The following CLASP1 variants were observed in gnomAD, a reference collection of about 807,000 sequenced individuals.
The protein encoded by CLASP1 is CLIP-associating protein 1.
CLASP1 carries 38 observed loss-of-function variants against 192.3 expected under a neutral mutation model. The observed-to-expected ratio is 0.20, with a 90% CI of 0.15 to 0.26. The LOEUF (loss-of-function observed/expected upper bound fraction) is 0.26. Among genes scored for constraint, CLASP1 ranks in the 10% least tolerant of loss-of-function variants. CLASP1 has a pLI of 1.00. For missense variants in CLASP1, 1,433 were observed against 1,932.5 expected (o/e 0.74, Z 4.85); for synonymous variants, 691 against 712.8 (o/e 0.97, Z 0.49).
chr2:121,375,441 G>A (rs1381183751), intron 34 of CLASP1, among the ~76,000 whole-genome samples: 2 of 143,328 alleles, frequency 1.4e-5, no homozygotes, highest in African/African-American at 5.3e-5. Flanking sequence ...TCGGCTCACT[G>A]CAACTTCTGC....
chr2:121,504,768 C>A (rs531004906), intron 7 of CLASP1, among the ~76,000 whole-genome samples: 2 of 152,294 alleles, frequency 1.3e-5, no homozygotes, highest in South Asian at 4.1e-4. Flanking sequence ...CCATAGGAGA[C>A]ACCAACAATC....
chr2:121,457,805 AC>A (rs2149847576), intron 13 of CLASP1, 48 bp from the exon 14 acceptor site: 1 of 1,378,562 alleles, frequency 7.3e-7, no homozygotes, highest in East Asian at 2.3e-5. Flanking sequence ...AAATACAAAA[AC>A]AAAACAAAAT....
At chr2:121,610,883 C>CGGAGGAAGAGGAGCTACA (rs2065279209) in intron 1 of CLASP1, among the ~76,000 whole-genome samples, 1 of 26,994 alleles carries the variant, frequency 3.7e-5, no homozygotes, top group African/African-American at 1.5e-4. Flanking sequence ...GGAGAGCTGG[C>CGGAGGAAGAGGAGCTACA]GGAGGAAGAG....
At position 121,425,215 on chromosome 2, in the gene CLASP1, C is replaced by T. The variant is rs149355721; in HGVS notation, c.2136G>A (p.Pro712=). The change falls in exon 22 of 40, where the codon CCG becomes CCA. Residue 712 remains proline (P), a synonymous_variant. Transcript: ENST00000263710. ...GAATCTTGCTTCGCTTTTCTGAAGA[C>T]GGTGTCACAGGTGGGCCTCGTGAGG... The T allele has an allele frequency of 2.9e-3, 4,643 of 1,613,486 alleles. 10 individuals are homozygous for T. The highest frequency in any genetic ancestry group is 5.9e-3 in the Middle Eastern group (36 of 6,062).
chr2:121,450,715 G>T (rs1354293083), intron 16 of CLASP1, among the ~76,000 whole-genome samples, 198 bp downstream of exon 16: 2 of 152,072 alleles, frequency 1.3e-5, no homozygotes, highest in African/African-American at 4.8e-5. Flanking sequence ...GTCTCCCTCA[G>T]TCCTGTTTAT....
chr2:121,378,709 T>A (rs1358766781), intron 33 of CLASP1, among the ~76,000 whole-genome samples: 1 of 152,206 alleles, frequency 6.6e-6, no homozygotes, highest in Non-Finnish European at 1.5e-5. Context: ...TGAATTCGTC[T>A]AATTTAATTT....
chr2:121,351,052 C>T (rs2064277697), intron 37 of CLASP1, among the ~76,000 whole-genome samples: 1 of 152,182 alleles, frequency 6.6e-6, no homozygotes, highest in African/African-American at 2.4e-5. Flanking sequence ...TGGAAGGTGG[C>T]AGGGCAGTGC....
intron 20 of CLASP1, among the ~76,000 whole-genome samples, chr2:121,428,490 T>C (rs987655757): frequency 1.3e-5 from 2 of 152,198 alleles, no homozygotes; most frequent in African/African-American, 2.4e-5. Context: ...ATTTGACCCA[T>C]ATGTATGAGT....
intron 33 of CLASP1, among the ~76,000 whole-genome samples, chr2:121,379,245 T>C (rs911435260): frequency 6.7e-6 from 1 of 150,302 alleles, no homozygotes; most frequent in Non-Finnish European, 1.5e-5. Context: ...AACTCAAAGA[T>C]TGACTTGAGC....
intron 11 of CLASP1, among the ~76,000 whole-genome samples, chr2:121,460,384 A>G (rs1370963527): frequency 6.6e-6 from 1 of 152,192 alleles, no homozygotes; most frequent in African/African-American, 2.4e-5. Context: ...TTTACATTTG[A>G]AATATCTTAA....
Position 121,529,489 on chromosome 2 carries a change from A to G in CLASP1, c.275-709T>C, listed in dbSNP as rs149590628. Among the ~76,000 whole-genome samples the G allele has an allele frequency of 2.0e-3, 311 of 152,348 alleles. 1 individual carries two copies. Among genetic ancestry groups the G allele is most frequent in the African/African-American group, 6.0e-3 (248 of 41,576 alleles). ...CTCATGACCTTTTCAGAAGGAGCAT[A>G]TTGGTCGGAAAGTTAACAGTAAAGA... On this transcript the variant is annotated intron_variant, in intron 3 of 39. Coordinates refer to ENST00000263710, the Ensembl canonical transcript of CLASP1.
chr2:121,382,292 G>A (rs185426411), exon 33 of CLASP1: 17 of 1,593,408 alleles, frequency 1.1e-5, no homozygotes, highest in Admixed American at 5.3e-5. Context: ...TGGGTGCTTC[G>A]CTAACCCGTC....
chr2:121,365,294 C>T lies in CLASP1; in HGVS notation c.3887-10G>A, dbSNP rs1408579946. The stretch of plus-strand genomic sequence containing the variant: ...GAATGGTCGATGGGCACTGGTGAAA[C>T]ACACCAGACATACGTCACCTCGTGA... On this transcript the variant is annotated splice_polypyrimidine_tract_variant and intron_variant, in intron 35 of 39. Transcript: ENST00000263710. The T allele has an allele frequency of 1.9e-6, 3 of 1,608,582 alleles. No individual in the cohort carries two copies. The highest frequency in any genetic ancestry group is 2.5e-6 in the Non-Finnish European group (3 of 1,177,416).
intron 6 of CLASP1, among the ~76,000 whole-genome samples, chr2:121,525,364 T>C (rs2094550797): frequency 6.6e-6 from 1 of 152,140 alleles, no homozygotes; most frequent in East Asian, 1.9e-4. Flanking sequence ...AAGGGTTCAG[T>C]TGAGGAGTTT....
At chr2:121,470,749 C>A in intron 8 of CLASP1, 1 of 391,180 alleles carries the variant, frequency 2.6e-6, no homozygotes. Context: ...TGTATAGTGC[C>A]AAAATTATCA....
At chr2:121,482,386 A>C (rs10496570) in intron 8 of CLASP1, among the ~76,000 whole-genome samples, 30,537 of 152,080 alleles carry the variant, frequency 0.2, 5,733 homozygotes, top group African/African-American at 0.49. Flanking sequence ...TGAAGTTAGA[A>C]TCTCTTGGCC....
At chr2:121,638,495 G>A (rs146246504) in intron 1 of CLASP1, among the ~76,000 whole-genome samples, 30 of 152,054 alleles carry the variant, frequency 2.0e-4, no homozygotes, top group Admixed American at 9.2e-4. Context: ...CAAAAGAAAT[G>A]AAAACAGAGA....
chr2:121,594,514 T>G (rs1255553228), intron 2 of CLASP1, among the ~76,000 whole-genome samples: 1 of 151,158 alleles, frequency 6.6e-6, no homozygotes, highest in Non-Finnish European at 1.5e-5. Flanking sequence ...TGCCTCAGCC[T>G]CCCGAGTAGC....
At chr2:121,630,769 C>G (rs957372962) in intron 1 of CLASP1, among the ~76,000 whole-genome samples, 2 of 150,102 alleles carry the variant, frequency 1.3e-5, no homozygotes, top group Non-Finnish European at 2.9e-5. Flanking sequence ...AAGGCTGAGG[C>G]AGGAGAATCG....
Sources: gnomAD v4.1 joint callset for allele counts (sites outside exome capture counted in the v4.1 genomes callset) on GRCh38, gnomAD v4.1.1 for gene constraint, MANE v1.5 for transcripts, NCBI Gene and HGNC (gene_info 2026-07-23, HGNC 2026-07-21) for gene names.